PDE4D: variants seen among roughly 807,000 people sequenced by gnomAD.
PDE4D encodes phosphodiesterase 4D, also known as 3',5'-cyclic-AMP phosphodiesterase 4D.
A neutral mutation model predicts 87.4 loss-of-function variants in PDE4D; 24 were observed. That is an observed-to-expected ratio of 0.27 (90% CI 0.20 to 0.39). The LOEUF (loss-of-function observed/expected upper bound fraction) is 0.39. Among genes scored for constraint, PDE4D ranks in the 10% least tolerant of loss-of-function variants. The probability of loss-of-function intolerance (pLI) is 1.00; values close to 1 mark genes in which losing one functional copy is unlikely to be tolerated. For synonymous variants in PDE4D, 384 were observed against 383.2 expected, an observed-to-expected ratio of 1.00 and a Z score of -0.02; for missense variants, 714 against 1,041.0, an observed-to-expected ratio of 0.69 and a Z score of 4.32.
intron 1 of PDE4D, among the ~76,000 whole-genome samples, chr5:59,278,982 A>C (rs1452689014): frequency 6.6e-6 from 1 of 152,128 alleles, no homozygotes; most frequent in Non-Finnish European, 1.5e-5. Flanking sequence ...ATTAAACATT[A>C]AATGAAGCCA....
intron 1 of PDE4D, among the ~76,000 whole-genome samples, chr5:60,439,075 G>A (rs904513942): frequency 3.3e-5 from 5 of 152,036 alleles, no homozygotes; most frequent in South Asian, 4.1e-4. Context: ...GTAGAACACC[G>A]TGTGGCCTTT....
chr5:59,631,174 C>A (rs1037725314), intron 1 of PDE4D, among the ~76,000 whole-genome samples: 2 of 152,084 alleles, frequency 1.3e-5, no homozygotes, highest in African/African-American at 4.8e-5. Flanking sequence ...CATAATGACA[C>A]TATCAATTAT....
chr5:59,282,643 CAAA>C (rs60262509), intron 1 of PDE4D, among the ~76,000 whole-genome samples: 1 of 38,858 alleles, frequency 2.6e-5, no homozygotes, highest in African/African-American at 1.1e-4. Flanking sequence ...AACTCCAGCT[CAAA>C]AAAAAAAAAA....
At chr5:59,522,149 C>A (rs1226861923) in intron 1 of PDE4D, among the ~76,000 whole-genome samples, 1 of 152,088 alleles carries the variant, frequency 6.6e-6, no homozygotes, top group Non-Finnish European at 1.5e-5. Flanking sequence ...AGCTCAGCTC[C>A]TTGGTGAAAA....
intron 3 of PDE4D, among the ~76,000 whole-genome samples, chr5:59,915,131 G>A (rs967982424): frequency 1.3e-5 from 2 of 152,098 alleles, no homozygotes; most frequent in African/African-American, 2.4e-5. Flanking sequence ...TGTCTACCTT[G>A]AGTATAATTT....
intron 2 of PDE4D, among the ~76,000 whole-genome samples, chr5:59,199,314 A>T (rs1434312324): frequency 6.6e-6 from 1 of 150,518 alleles, no homozygotes; most frequent in Non-Finnish European, 1.5e-5. Context: ...ACTGGCCTTG[A>T]ACTCCTGGGC....
chr5:59,043,712 C>T (rs999220380), intron 5 of PDE4D, among the ~76,000 whole-genome samples: 3 of 151,964 alleles, frequency 2.0e-5, no homozygotes, highest in South Asian at 2.1e-4. Context: ...CCCTTCCCCC[C>T]ACCCCACAGC....
chr5:59,567,488 T>C (rs1821138053), intron 1 of PDE4D, among the ~76,000 whole-genome samples: 1 of 152,196 alleles, frequency 6.6e-6, no homozygotes, highest in African/African-American at 2.4e-5. Context: ...AATTGTGGAA[T>C]TATCTGAGAA....
At position 59,779,118 on chromosome 5, in the gene PDE4D, C is replaced by T. The variant is rs533202918; in HGVS notation, c.455+114050G>A. Among the ~76,000 whole-genome samples, 4 of 151,844 alleles carry T rather than the reference C, an allele frequency of 2.6e-5. No individual in the cohort carries two copies. The South Asian group carries it at 8.3e-4, about 32-fold the overall frequency. ...CGGAGGTTGCAGTGAGCCGAGATTG[C>T]ACCGCTGCACTCCAGCCTGGGCAAC... On this transcript the variant is annotated intron_variant, in intron 1 of 14. Transcript: ENST00000340635.
At position 60,387,197 on chromosome 5, in the gene PDE4D, G is replaced by A. The variant is rs145089885; in HGVS notation, c.-90+100745C>T. Among the ~76,000 whole-genome samples the A allele has an allele frequency of 5.1e-4, 78 of 152,312 alleles. 1 individual carries two copies. Among genetic ancestry groups the A allele is most frequent in the African/African-American group, 1.7e-3 (71 of 41,562 alleles). On this transcript the variant is annotated intron_variant, in intron 1 of 16. Transcript: ENST00000502484. The stretch of plus-strand genomic sequence containing the variant: ...AAAAGCAAAGAAGGAAACTTGGAAC[G>A]TCCTGCTCATAAGTCAGGTCTGCAG...
chr5:59,414,273 G>A (rs13162275), intron 1 of PDE4D, among the ~76,000 whole-genome samples: 25,844 of 152,130 alleles, frequency 0.17, 2,934 homozygotes, highest in African/African-American at 0.31. Flanking sequence ...GCAACTTGGC[G>A]GAAAACAGAA....
At chr5:60,023,174 T>C (rs1766261900) in intron 2 of PDE4D, among the ~76,000 whole-genome samples, 1 of 152,180 alleles carries the variant, frequency 6.6e-6, no homozygotes, top group South Asian at 2.1e-4. Flanking sequence ...CTTAGGTGTC[T>C]CATGAAGATT....
At chr5:59,877,934 C>T (rs965422927) in intron 1 of PDE4D, among the ~76,000 whole-genome samples, 6 of 152,016 alleles carry the variant, frequency 3.9e-5, no homozygotes, top group Admixed American at 1.3e-4. Flanking sequence ...CCTCAACCCC[C>T]GACACACAAA....
chr5:59,275,514 T>A, intron 1 of PDE4D: 1 of 1,474,722 alleles, frequency 6.8e-7, no homozygotes, highest in South Asian at 1.4e-5. Flanking sequence ...GGGAGGCTGC[T>A]TGAAGAAATC....
chr5:60,314,324 G>A (rs764732859), intron 1 of PDE4D, among the ~76,000 whole-genome samples: 16 of 151,766 alleles, frequency 1.1e-4, no homozygotes, highest in Non-Finnish European at 2.2e-4. Context: ...ATGCTGCCAT[G>A]CCCAACTGAT....
intron 1 of PDE4D, among the ~76,000 whole-genome samples, chr5:60,247,525 T>C (rs1244226821): frequency 7.1e-6 from 1 of 140,238 alleles, no homozygotes; most frequent in African/African-American, 2.7e-5. Context: ...TTGATCCCAC[T>C]TGGTCCCAGT....
At position 59,363,820 on chromosome 5, in the gene PDE4D, G is replaced by A. The variant is rs540298395; in HGVS notation, c.456-147852C>T. ...GGACAAAATTGGCCTGTGAGCCTGG[G>A]GTGGGACTGAGGCTGCAAGTAGGGG... On this transcript the variant is annotated intron_variant, in intron 1 of 14. Transcript: ENST00000340635. 2.0e-5 allele frequency among the ~76,000 whole-genome samples: 3 copies of A among 152,280 alleles called. No individual in the cohort carries two copies. The South Asian group carries it at 6.2e-4, about 32-fold the overall frequency.
chr5:59,873,904 T>A (rs1311604678), intron 1 of PDE4D, among the ~76,000 whole-genome samples: 1 of 152,152 alleles, frequency 6.6e-6, no homozygotes, highest in Non-Finnish European at 1.5e-5. Flanking sequence ...TTGTTAATAA[T>A]TGCATATATA....
intron 1 of PDE4D, among the ~76,000 whole-genome samples, chr5:59,879,928 A>C (rs1383399030): frequency 1.3e-5 from 2 of 152,020 alleles, no homozygotes; most frequent in Admixed American, 6.6e-5. Flanking sequence ...TTTAGTAGAG[A>C]CAGGGTTTCA....
Sources: gnomAD v4.1 joint callset for allele counts (sites outside exome capture counted in the v4.1 genomes callset) on GRCh38, gnomAD v4.1.1 for gene constraint, MANE v1.5 for transcripts, NCBI Gene and HGNC (gene_info 2026-07-23, HGNC 2026-07-21) for gene names.